The following CHST8 variants were observed in gnomAD, a reference collection of about 807,000 sequenced individuals.
The protein encoded by CHST8 is carbohydrate sulfotransferase 8, also known as GALNAC-4-ST1.
CHST8 carries 10 observed loss-of-function variants against 15.0 expected under a neutral mutation model. The observed-to-expected ratio is 0.67, with a 90% CI of 0.41 to 1.13. The LOEUF (loss-of-function observed/expected upper bound fraction) is 1.13, where lower values mean the gene tolerates loss of function less well. CHST8 is among the 50% of genes most tolerant of loss of function. The probability of loss-of-function intolerance (pLI) is 0.00; values close to 1 mark genes in which losing one functional copy is unlikely to be tolerated. For synonymous variants in CHST8, 259 were observed against 256.6 expected, an observed-to-expected ratio of 1.01 and a Z score of -0.09; for missense variants, 634 against 608.2, an observed-to-expected ratio of 1.04 and a Z score of -0.45.
At chr19:33,755,410 T>C (rs999282321) in intron 3 of CHST8, among the ~76,000 whole-genome samples, 12 of 152,192 alleles carry the variant, frequency 7.9e-5, no homozygotes, top group African/African-American at 1.2e-4. Flanking sequence ...CGGACATAAA[T>C]CAAGTCATTA....
intron 3 of CHST8, among the ~76,000 whole-genome samples, chr19:33,748,780 C>T (rs1257689324): frequency 6.6e-6 from 1 of 152,186 alleles, no homozygotes. Context: ...CCTTAGGAGG[C>T]TCTCACAGCT....
intron 1 of CHST8, among the ~76,000 whole-genome samples, chr19:33,631,764 G>C (rs978237586): frequency 7.9e-5 from 12 of 151,822 alleles, no homozygotes; most frequent in African/African-American, 1.2e-4. Flanking sequence ...ACCACTCCCC[G>C]CCCTCCCTCC....
intron 3 of CHST8, among the ~76,000 whole-genome samples, chr19:33,693,878 T>A (rs1396263549): frequency 6.6e-6 from 1 of 151,646 alleles, no homozygotes; most frequent in African/African-American, 2.4e-5. Flanking sequence ...CGTGCCTAGA[T>A]CCAGCCATTC....
chr19:33,668,971 C>T (rs922023939), intron 2 of CHST8, among the ~76,000 whole-genome samples: 1 of 152,092 alleles, frequency 6.6e-6, no homozygotes, highest in African/African-American at 2.4e-5. Context: ...AAAATGGGTC[C>T]GTGAGCCTCG....
intron 1 of CHST8, among the ~76,000 whole-genome samples, chr19:33,641,881 C>T (rs1164334683): frequency 1.3e-5 from 2 of 152,160 alleles, no homozygotes; most frequent in Admixed American, 6.5e-5. Context: ...TATATGAAAT[C>T]GCTTCCCCTC....
At chr19:33,709,902 A>G (rs1973516015) in intron 3 of CHST8, among the ~76,000 whole-genome samples, 1 of 152,108 alleles carries the variant, frequency 6.6e-6, no homozygotes, top group South Asian at 2.1e-4. Flanking sequence ...TCTAACTCCT[A>G]GGCTCAAGAG....
At chr19:33,706,870 G>A (rs1007134387) in intron 3 of CHST8, among the ~76,000 whole-genome samples, 1 of 152,214 alleles carries the variant, frequency 6.6e-6, no homozygotes, top group African/African-American at 2.4e-5. Flanking sequence ...TCACTGGGGA[G>A]TGAAAAGGAC....
At chr19:33,756,976 AG>A (rs1974558815) in intron 3 of CHST8, among the ~76,000 whole-genome samples, 1 of 152,126 alleles carries the variant, frequency 6.6e-6, no homozygotes, top group Admixed American at 6.5e-5. Context: ...CATGGCTGTG[AG>A]GGGGCAGTGG....
At chr19:33,724,101 C>G (rs181177717) in intron 3 of CHST8, among the ~76,000 whole-genome samples, 2 of 152,182 alleles carry the variant, frequency 1.3e-5, no homozygotes, top group Non-Finnish European at 2.9e-5. Context: ...CCTGGCTCCT[C>G]GGTGCCCTTG....
At chr19:33,668,695 T>A (rs944726022) in intron 2 of CHST8, among the ~76,000 whole-genome samples, 13 of 152,176 alleles carry the variant, frequency 8.5e-5, no homozygotes, top group Non-Finnish European at 1.2e-4. Context: ...TATAAAGTTA[T>A]ATTTTTATAA....
chr19:33,697,806 C>G (rs1973249619), intron 3 of CHST8, among the ~76,000 whole-genome samples: 1 of 152,154 alleles, frequency 6.6e-6, no homozygotes, highest in South Asian at 2.1e-4. Context: ...GAGAATGCGG[C>G]ACGTGGAGAA....
chr19:33,658,059 G>C (rs1382692333), intron 1 of CHST8, among the ~76,000 whole-genome samples: 1 of 152,148 alleles, frequency 6.6e-6, no homozygotes, highest in Non-Finnish European at 1.5e-5. Context: ...TTACAGTAGG[G>C]CTGGGTGTGG....
Position 33,772,389 on chromosome 19 carries a change from G to T in CHST8, c.601G>T (p.Gly201Cys), listed in dbSNP as rs777428741. The T allele has an allele frequency of 6.2e-7, 1 of 1,609,412 alleles. No individual in the cohort carries two copies. Among genetic ancestry groups the T allele is most frequent in the Non-Finnish European group, 8.5e-7 (1 of 1,179,516 alleles). ...GCTCTACTGCGAGGTGCCCAAGGCCGGCTGCTCCAATTGGAAGCGGGTGCT... is the reference window on the plus strand; with the variant it reads ...GCTCTACTGCGAGGTGCCCAAGGCCTGCTGCTCCAATTGGAAGCGGGTGCT... The part of the protein sequence containing the change: ...RVLYCEVPKA[G>C]CSNWKRVLMV... Residue 201 changes from glycine (G) to cysteine (C), a missense_variant, in exon 5 of 5, where the codon GGC becomes TGC. Physicochemically the swap from Gly to Cys is radical, Grantham distance 159 (BLOSUM62 -3). Coordinates refer to ENST00000650847, the MANE Select transcript of CHST8 (RefSeq NM_001127895.2).
intron 2 of CHST8, among the ~76,000 whole-genome samples, chr19:33,687,833 T>C (rs947990547): frequency 6.6e-6 from 1 of 151,984 alleles, no homozygotes; most frequent in Non-Finnish European, 1.5e-5. Flanking sequence ...CCTGGGTCCG[T>C]GTTGGGGAGG....
At position 33,773,010 on chromosome 19, in the gene CHST8, T is replaced by C. The variant is rs367544892; in HGVS notation, c.1222T>C (p.Tyr408His). 1 of 1,612,430 alleles carries C rather than the reference T, an allele frequency of 6.2e-7. No individual in the cohort carries two copies. Among genetic ancestry groups the C allele is most frequent in the Non-Finnish European group, 8.5e-7 (1 of 1,179,998 alleles). Residue 408 changes from tyrosine to histidine, a missense_variant, in exon 5 of 5, where the codon TAC becomes CAC. Tyr to His is a moderately conservative substitution (Grantham distance 83, BLOSUM62 2). Transcript: ENST00000650847. ...LQRQRTYDFY[Y>H]MDYLMFNYSK... ...AAGGCAGCGCACCTACGACTTCTACTACATGGATTACCTGATGTTCAACTA... is the reference window on the plus strand; with the variant it reads ...AAGGCAGCGCACCTACGACTTCTACCACATGGATTACCTGATGTTCAACTA...
intron 3 of CHST8, among the ~76,000 whole-genome samples, chr19:33,763,395 A>G (rs285691): frequency 0.37 from 55,602 of 151,970 alleles, 12,046 homozygotes; most frequent in African/African-American, 0.6. Context: ...GCAGCTCTCC[A>G]GTGTGTCTGG....
At chr19:33,626,222 T>C (rs1972051787) in intron 1 of CHST8, among the ~76,000 whole-genome samples, 2 of 151,978 alleles carry the variant, frequency 1.3e-5, no homozygotes, top group South Asian at 2.1e-4. Flanking sequence ...TGGAAAAAAG[T>C]TGTGACTTTT....
At chr19:33,695,352 A>G (rs1012570846) in intron 3 of CHST8, among the ~76,000 whole-genome samples, 1 of 152,218 alleles carries the variant, frequency 6.6e-6, no homozygotes, top group African/African-American at 2.4e-5. Flanking sequence ...TAATGCTCTC[A>G]GGCCCTCGAG....
intron 3 of CHST8, among the ~76,000 whole-genome samples, chr19:33,743,597 G>A (rs572034313): frequency 9.9e-5 from 15 of 151,522 alleles, no homozygotes; most frequent in African/African-American, 3.6e-4. Flanking sequence ...CACTGCGCCC[G>A]GCCTACCACA....
Sources: gnomAD v4.1 joint callset for allele counts (sites outside exome capture counted in the v4.1 genomes callset) on GRCh38, gnomAD v4.1.1 for gene constraint, MANE v1.5 for transcripts, NCBI Gene and HGNC (gene_info 2026-07-23, HGNC 2026-07-21) for gene names.